Variants in FBXL17 observed in about 807,000 individuals in gnomAD.
FBXL17 encodes F-box and leucine rich repeat protein 17.
In FBXL17, 22 loss-of-function variants were observed where a neutral mutation model predicts 66.2. The observed-to-expected ratio is 0.33, with a 90% CI of 0.24 to 0.47. FBXL17 has a LOEUF of 0.47. Ranked by LOEUF, FBXL17 falls within the 20% of genes least tolerant of loss-of-function variation. FBXL17 has a pLI of 1.00. For synonymous variants in FBXL17, 474 were observed against 400.5 expected, an observed-to-expected ratio of 1.18 and a Z score of -2.19; for missense variants, 878 against 948.2, an observed-to-expected ratio of 0.93 and a Z score of 0.97.
rs140769664 is a variant in FBXL17, at chr5:108,126,631, G to GTCTCTCTCTCTCTCTCTC, written c.1745+59468_1745+59485dup. 4.4e-3 allele frequency among the ~76,000 whole-genome samples: 489 copies of GTCTCTCTCTCTCTCTCTC among 112,062 alleles called. 6 individuals are homozygous for GTCTCTCTCTCTCTCTCTC. The highest frequency in any genetic ancestry group is 6.1e-3 in the Non-Finnish European group (323 of 53,220). The allele number at this position is 112,062 out of a possible 152,430, so 73.5% of individuals were successfully genotyped here. A position where few individuals can be genotyped will look rare whatever the true frequency, so the allele number is the denominator to read the frequency against. ...TATAAGATTATCTCTCTGTCTCTCT[G>GTCTCTCTCTCTCTCTCTC]TCTCTCTCTCTCTCTCTCTCTATAT... On this transcript the variant is annotated intron_variant, in intron 6 of 8. Coordinates refer to ENST00000542267, the MANE Select transcript of FBXL17 (RefSeq NM_001163315.3).
At chr5:108,058,672 A>G (rs1245051626) in intron 6 of FBXL17, among the ~76,000 whole-genome samples, 1 of 152,072 alleles carries the variant, frequency 6.6e-6, no homozygotes, top group Non-Finnish European at 1.5e-5. Context: ...TTTAGTAAAG[A>G]CGGAGTTTCA....
chr5:107,981,719 GA>G lies in FBXL17; in HGVS notation c.1822+39205del, dbSNP rs144227129. On this transcript the variant is annotated intron_variant, in intron 7 of 8. Transcript: ENST00000542267. ...TGGCACCAGGGCAGGGAACATTATA[GA>G]AAAAAAACATTCTCCTTGATATTCT... 3.6e-3 allele frequency among the ~76,000 whole-genome samples: 541 copies of G among 152,008 alleles called. 12 individuals are homozygous for G. Among genetic ancestry groups the G allele is most frequent in the Non-Finnish European group, 6.2e-4 (42 of 67,922 alleles).
intron 7 of FBXL17, among the ~76,000 whole-genome samples, chr5:108,017,478 T>C (rs1255768732): frequency 1.3e-5 from 2 of 152,210 alleles, no homozygotes; most frequent in Non-Finnish European, 2.9e-5. Flanking sequence ...GAACTGCCAA[T>C]TAGTGAGTGT....
At chr5:107,989,935 G>T (rs1195864407) in intron 7 of FBXL17, among the ~76,000 whole-genome samples, 1 of 152,114 alleles carries the variant, frequency 6.6e-6, no homozygotes, top group African/African-American at 2.4e-5. Flanking sequence ...GACCACCACT[G>T]CTGGGCTCTA....
At chr5:108,140,299 G>T (rs145006581) in intron 6 of FBXL17, among the ~76,000 whole-genome samples, 1 of 152,258 alleles carries the variant, frequency 6.6e-6, no homozygotes, top group South Asian at 2.1e-4. Flanking sequence ...ACCTGCCTCG[G>T]CCTCTCAAAA....
rs140067098 is a variant in FBXL17 at position 107,948,023 on chromosome 5, G to C, written c.1823-66844C>G. On this transcript the variant is annotated intron_variant, in intron 7 of 8. Transcript: ENST00000542267. ...CTCAGAAACCTAAAGGAACAAATGG[G>C]ACTTGCTGCCCGCCAACTTTCCTCA... Among the ~76,000 whole-genome samples, 459 of 152,026 alleles carry C rather than the reference G, an allele frequency of 3.0e-3. 1 individual carries two copies. Among genetic ancestry groups the C allele is most frequent in the African/African-American group, 0.011 (444 of 41,482 alleles).
chr5:107,861,945 C>A, intron 8 of FBXL17, 85 bp from the exon 9 acceptor site: 2 of 1,342,998 alleles, frequency 1.5e-6, no homozygotes, highest in Non-Finnish European at 1.9e-6. Context: ...CTGCAGCTGG[C>A]TCACTGTGAC....
At chr5:108,199,659 G>T (rs946715436) in intron 5 of FBXL17, among the ~76,000 whole-genome samples, 50 of 152,112 alleles carry the variant, frequency 3.3e-4, no homozygotes, top group Non-Finnish European at 5.9e-4. Context: ...CTTATATTAT[G>T]TTCAATTCTC....
At chr5:108,294,775 A>G (rs1414451029) in intron 4 of FBXL17, among the ~76,000 whole-genome samples, 1 of 152,120 alleles carries the variant, frequency 6.6e-6, no homozygotes, top group East Asian at 1.9e-4. Flanking sequence ...TAAAAAAACA[A>G]AAAAATACAA....
At chr5:107,863,366 C>T (rs868144747) in intron 8 of FBXL17, among the ~76,000 whole-genome samples, 2 of 151,358 alleles carry the variant, frequency 1.3e-5, no homozygotes, top group African/African-American at 4.8e-5. Context: ...TCCTTCTGGT[C>T]TTGGGATCTT....
chr5:108,217,918 A>G (rs1258059987), intron 5 of FBXL17, among the ~76,000 whole-genome samples: 2 of 151,770 alleles, frequency 1.3e-5, no homozygotes, highest in Admixed American at 1.3e-4. Flanking sequence ...ATCTCCCTCC[A>G]GGTTCATCCA....
At chr5:108,045,495 G>T (rs1183364224) in intron 6 of FBXL17, among the ~76,000 whole-genome samples, 4 of 152,118 alleles carry the variant, frequency 2.6e-5, no homozygotes, top group Non-Finnish European at 5.9e-5. Flanking sequence ...TGCTAGTGTT[G>T]GCTTTACACT....
intron 3 of FBXL17, among the ~76,000 whole-genome samples, chr5:108,356,554 G>T (rs1346551522): frequency 1.3e-5 from 2 of 152,078 alleles, no homozygotes; most frequent in Non-Finnish European, 2.9e-5. Flanking sequence ...ACTACTAAGT[G>T]AAGGAATCCA....
chr5:108,182,031 C>T (rs1753025246), intron 6 of FBXL17, among the ~76,000 whole-genome samples: 1 of 152,130 alleles, frequency 6.6e-6, no homozygotes, highest in African/African-American at 2.4e-5. Context: ...GTGTAAAGTG[C>T]CTATCAATTA....
chr5:108,365,277 G>T (rs1358812991), intron 2 of FBXL17, among the ~76,000 whole-genome samples: 1 of 151,994 alleles, frequency 6.6e-6, no homozygotes, highest in Non-Finnish European at 1.5e-5. Context: ...AAGCCCTTTA[G>T]ACCATATCTG....
intron 7 of FBXL17, among the ~76,000 whole-genome samples, chr5:107,978,709 AC>A (rs1252399443): frequency 3.3e-5 from 5 of 151,524 alleles, no homozygotes; most frequent in African/African-American, 1.2e-4. Context: ...CCCATTCCCT[AC>A]CCCACTGCCC....
At chr5:108,336,098 A>G (rs1428819151) in intron 4 of FBXL17, among the ~76,000 whole-genome samples, 1 of 152,142 alleles carries the variant, frequency 6.6e-6, no homozygotes, top group Non-Finnish European at 1.5e-5. Context: ...CCCATTTTTG[A>G]TTCTACAAAA....
At chr5:108,270,535 TAA>T (rs1045536898) in intron 4 of FBXL17, among the ~76,000 whole-genome samples, 2 of 139,522 alleles carry the variant, frequency 1.4e-5, no homozygotes, top group African/African-American at 5.2e-5. Flanking sequence ...CTTAGGTTAA[TAA>T]AAAAAAAAAA....
chr5:108,177,909 ATGTATATAT>A (rs1299006304), intron 6 of FBXL17, among the ~76,000 whole-genome samples: 5 of 51,548 alleles, frequency 9.7e-5, no homozygotes, highest in East Asian at 1.2e-3. Flanking sequence ...AGAAAAAAAA[ATGTATATAT>A]ATATATATAT....
Sources: gnomAD v4.1 joint callset for allele counts (sites outside exome capture counted in the v4.1 genomes callset) on GRCh38, gnomAD v4.1.1 for gene constraint, MANE v1.5 for transcripts, NCBI Gene and HGNC (gene_info 2026-07-23, HGNC 2026-07-21) for gene names.